Variants in MYO16 observed in about 807,000 individuals in gnomAD.
The protein encoded by MYO16 is unconventional myosin-XVI.
Under a neutral mutation model 205.3 loss-of-function variants are expected in MYO16, and 94 were observed. The ratio of observed to expected loss-of-function variants is 0.46; its 90% CI spans 0.39 to 0.54. The LOEUF is 0.54. MYO16 is among the 20% of genes least tolerant of loss of function. MYO16 has a pLI of 0.00. For synonymous variants in MYO16, 988 were observed against 954.0 expected (o/e 1.04, Z -0.66); for missense variants, 2,315 against 2,387.5 (o/e 0.97, Z 0.63).
chr13:108,794,667 C>T (rs912597932), intron 6 of MYO16, among the ~76,000 whole-genome samples: 4 of 152,076 alleles, frequency 2.6e-5, no homozygotes, highest in Middle Eastern at 6.8e-3. Flanking sequence ...GTCTAATCAC[C>T]GAAATAAGAA....
intron 16 of MYO16, among the ~76,000 whole-genome samples, chr13:108,945,300 G>A (rs1351976424): frequency 6.6e-6 from 1 of 152,100 alleles, no homozygotes; most frequent in Non-Finnish European, 1.5e-5. Context: ...GGGTCTTTCT[G>A]GAAAATTTCT....
the MYO16 span, among the ~76,000 whole-genome samples, chr13:108,585,306 C>T: frequency 3.9e-5 from 6 of 152,076 alleles, no homozygotes; most frequent in East Asian, 3.9e-4. Flanking sequence ...TTCAGAAAGG[C>T]GAGACAACTC....
intron 28 of MYO16, among the ~76,000 whole-genome samples, chr13:109,105,140 CA>C (rs1889083151): frequency 6.6e-6 from 1 of 152,184 alleles, no homozygotes; most frequent in African/African-American, 2.4e-5. Flanking sequence ...AACTACCAAA[CA>C]ATACAGTACA....
At chr13:108,601,381 T>C (rs1313083572) in intron 1 of MYO16, among the ~76,000 whole-genome samples, 1 of 152,020 alleles carries the variant, frequency 6.6e-6, no homozygotes, top group Non-Finnish European at 1.5e-5. Context: ...TTTTAAAAAA[T>C]GAGAAGGAAC....
At chr13:109,133,146 A>G (rs1191962535) in intron 31 of MYO16, among the ~76,000 whole-genome samples, 1 of 152,188 alleles carries the variant, frequency 6.6e-6, no homozygotes. Flanking sequence ...CTTTCTGTCC[A>G]TTTTGCAGCT....
chr13:108,596,566 T>G (rs2139292308), intron 1 of MYO16, among the ~76,000 whole-genome samples: 1 of 152,340 alleles, frequency 6.6e-6, no homozygotes, highest in South Asian at 2.1e-4. Flanking sequence ...AGTGATTTTT[T>G]TCAGGTATAA....
chr13:108,727,269 T>C (rs1884371801), intron 3 of MYO16, among the ~76,000 whole-genome samples, 171 bp from the exon 4 acceptor site: 1 of 152,102 alleles, frequency 6.6e-6, no homozygotes, highest in Admixed American at 6.6e-5. Context: ...AAGTCTTGCG[T>C]ATGTTCTTTT....
intron 27 of MYO16, among the ~76,000 whole-genome samples, chr13:109,093,783 G>A (rs1316700237): frequency 6.6e-6 from 1 of 152,024 alleles, no homozygotes; most frequent in African/African-American, 2.4e-5. Flanking sequence ...CTCTCACCTG[G>A]ACTATAGGAA....
At chr13:108,868,964 T>C (rs966168789) in intron 12 of MYO16, among the ~76,000 whole-genome samples, 8 of 152,144 alleles carry the variant, frequency 5.3e-5, no homozygotes, top group Non-Finnish European at 1.0e-4. Flanking sequence ...GTTGGCACTT[T>C]TGCATAAAAC....
chr13:109,071,425 C>T (rs1359603781), intron 27 of MYO16, among the ~76,000 whole-genome samples: 2 of 152,094 alleles, frequency 1.3e-5, no homozygotes, highest in East Asian at 1.9e-4. Context: ...GAGGAAAATA[C>T]TTTAATAGGA....
chr13:108,658,159 G>A (rs1048676435), intron 1 of MYO16, among the ~76,000 whole-genome samples: 5 of 152,028 alleles, frequency 3.3e-5, no homozygotes, highest in Admixed American at 3.3e-4. Context: ...GGTTATCTCT[G>A]CCTTAAAGAC....
chr13:108,628,035 G>C (rs1022452953), upstream of MYO16, among the ~76,000 whole-genome samples: 1 of 152,194 alleles, frequency 6.6e-6, no homozygotes. Context: ...GATTTGTATT[G>C]ATTTAAAGAG....
upstream of MYO16, chr13:108,596,093 T>C (rs1234770047): frequency 6.7e-6 from 1 of 148,810 alleles, no homozygotes; most frequent in Non-Finnish European, 1.5e-5. Context: ...TCATCAGCTG[T>C]GTGTGTTGAG....
intron 13 of MYO16, among the ~76,000 whole-genome samples, chr13:108,886,680 C>T (rs1193185513): frequency 2.8e-5 from 4 of 141,650 alleles, no homozygotes; most frequent in Admixed American, 1.4e-4. Flanking sequence ...GGAACGGACT[C>T]TTCCACCGCA....
Position 109,141,127 on chromosome 13 carries a change from C to A in MYO16, c.4915C>A (p.His1639Asn), listed in dbSNP as rs1427208624. The part of the protein sequence containing the change: ...AGPSAEAPKV[H>N]PKPNSAPVAG... Reference sequence around the variant, plus strand: ...GCCGAGCGCAGAGGCGCCCAAGGTTCACCCAAAGCCAAACTCTGCCCCCGT... The same window carrying A: ...GCCGAGCGCAGAGGCGCCCAAGGTTAACCCAAAGCCAAACTCTGCCCCCGT... Residue 1639 changes from histidine to asparagine, a missense_variant, in exon 32 of 35, where the codon CAC becomes AAC. Coordinates refer to ENST00000457511, the MANE Select transcript of MYO16 (RefSeq NM_001198950.3). The surrounding 1 kb of genome is among the most constrained non-coding windows in gnomAD (Gnocchi z 4.1). 6.3e-7 allele frequency: 1 copy of A among 1,581,244 alleles called. No individual in the cohort carries two copies. The highest frequency in any genetic ancestry group is 1.1e-5 in the South Asian group (1 of 87,538).
chr13:108,866,386 C>G (rs1878719646), intron 12 of MYO16, 144 bp downstream of exon 12: 1 of 467,670 alleles, frequency 2.1e-6, no homozygotes, highest in Admixed American at 4.1e-5. Flanking sequence ...GTAGCAGTGA[C>G]TTTAATTCAT....
intron 23 of MYO16, among the ~76,000 whole-genome samples, chr13:109,044,397 A>G (rs1180623951): frequency 6.6e-6 from 1 of 152,194 alleles, no homozygotes; most frequent in East Asian, 1.9e-4. Flanking sequence ...TATTTGCACC[A>G]GAAATACTCA....
intron 9 of MYO16, among the ~76,000 whole-genome samples, chr13:108,841,750 A>C (rs976623466): frequency 6.6e-6 from 1 of 152,184 alleles, no homozygotes; most frequent in South Asian, 2.1e-4. Flanking sequence ...ATGGAACTAC[A>C]AAAACTCTAA....
chr13:108,544,178 T>A, the MYO16 span, among the ~76,000 whole-genome samples: 1 of 152,076 alleles, frequency 6.6e-6, no homozygotes, highest in African/African-American at 2.4e-5. Flanking sequence ...TGTATTAATA[T>A]GTTTAAATTA....
Sources: allele counts gnomAD v4.1 joint callset (sites outside exome capture counted in the v4.1 genomes callset), GRCh38; gene constraint gnomAD v4.1.1; non-coding constraint Gnocchi (gnomAD v3.1); transcripts MANE v1.5; gene names NCBI Gene and HGNC (gene_info 2026-07-23, HGNC 2026-07-21).